Variants in GFRA1 observed in about 807,000 individuals in gnomAD.
GFRA1 encodes the protein GDNF family receptor alpha-1.
GFRA1 carries 16 observed loss-of-function variants against 51.6 expected under a neutral mutation model. The observed-to-expected ratio is 0.31, with a 90% CI of 0.21 to 0.47. The LOEUF is 0.47. Ranked by LOEUF, GFRA1 falls within the 20% of genes least tolerant of loss-of-function variation. GFRA1 has a pLI of 1.00. For synonymous variants in GFRA1, 270 were observed against 241.3 expected, an observed-to-expected ratio of 1.12 and a Z score of -1.10; for missense variants, 530 against 594.3, an observed-to-expected ratio of 0.89 and a Z score of 1.13.
At chr10:116,201,774 T>C (rs1236725906) in intron 5 of GFRA1, among the ~76,000 whole-genome samples, 1 of 152,140 alleles carries the variant, frequency 6.6e-6, no homozygotes, top group Non-Finnish European at 1.5e-5. Flanking sequence ...CCTGGGCAAG[T>C]AAATACTTGC....
At chr10:116,127,232 TTTG>T (rs1307397338) in intron 5 of GFRA1, among the ~76,000 whole-genome samples, 3 of 152,176 alleles carry the variant, frequency 2.0e-5, no homozygotes, top group African/African-American at 4.8e-5. Context: ...CACTTAAAAC[TTTG>T]TTAAGAGGGT....
At chr10:116,198,387 C>G (rs1964064432) in intron 5 of GFRA1, among the ~76,000 whole-genome samples, 1 of 152,198 alleles carries the variant, frequency 6.6e-6, no homozygotes, top group African/African-American at 2.4e-5. Flanking sequence ...TAATCCATCT[C>G]AAATAAAACC....
chr10:116,267,413 C>A (rs1427498475), intron 4 of GFRA1, among the ~76,000 whole-genome samples: 1 of 152,104 alleles, frequency 6.6e-6, no homozygotes, highest in Non-Finnish European at 1.5e-5. Context: ...TAGCATTGCG[C>A]CGAGATCATG....
At chr10:116,064,667 T>C in intron 10 of GFRA1, 123 bp from the exon 11 acceptor site, 1 of 841,564 alleles carries the variant, frequency 1.2e-6, no homozygotes, top group Non-Finnish European at 2.0e-6. Context: ...TGACCAAGAT[T>C]TTACCACTGA....
chr10:116,237,591 A>G (rs1236076855), intron 4 of GFRA1, among the ~76,000 whole-genome samples: 2 of 144,156 alleles, frequency 1.4e-5, no homozygotes, highest in African/African-American at 5.4e-5. Flanking sequence ...AAAAAAAAAA[A>G]AGCAAGAAGA....
chr10:116,236,927 A>G (rs1966911187), intron 4 of GFRA1, among the ~76,000 whole-genome samples: 1 of 152,216 alleles, frequency 6.6e-6, no homozygotes, highest in Non-Finnish European at 1.5e-5. Context: ...CCGCATGCTT[A>G]TTTTTGAGCC....
intron 9 of GFRA1, among the ~76,000 whole-genome samples, chr10:116,067,056 A>G (rs543252495): frequency 2.6e-5 from 4 of 152,320 alleles, no homozygotes; most frequent in African/African-American, 9.6e-5. Context: ...GAAACCTTTA[A>G]ACAAGCATCA....
At chr10:116,072,525 G>A (rs1286468574) in intron 9 of GFRA1, among the ~76,000 whole-genome samples, 1 of 152,168 alleles carries the variant, frequency 6.6e-6, no homozygotes, top group Admixed American at 6.5e-5. Context: ...ACTTTGGAAG[G>A]CCAAGGTGGG....
Position 116,062,224 on chromosome 10 carries a change from G to C in GFRA1, c.*2174C>G, listed in dbSNP as rs1298032399. On this transcript the variant is annotated 3_prime_UTR_variant, in exon 11 of 11. Transcript: ENST00000355422. ...GGATCACATAGAATCAGATCCCTAT[G>C]AAATTAGTCCAGTGTAGATACACAG... 2.5e-6 allele frequency: 1 copy of C among 398,096 alleles called. No homozygotes were observed. The highest frequency in any genetic ancestry group is 2.1e-5 in the African/African-American group (1 of 48,588). 24.7% of individuals were successfully genotyped at this position (398,096 alleles called of 1,614,324 possible). A position where few individuals can be genotyped will look rare whatever the true frequency, so the allele number is the denominator to read the frequency against.
chr10:116,227,256 T>A (rs889689258), intron 4 of GFRA1, among the ~76,000 whole-genome samples: 3 of 152,158 alleles, frequency 2.0e-5, no homozygotes, highest in Admixed American at 1.3e-4. Context: ...CTGTTATCAT[T>A]AAGTAGCTGG....
At chr10:116,087,356 T>A (rs781073606) in intron 9 of GFRA1, among the ~76,000 whole-genome samples, 1 of 152,156 alleles carries the variant, frequency 6.6e-6, no homozygotes, top group Non-Finnish European at 1.5e-5. Context: ...AAACTCCAAT[T>A]TCATGGGGTT....
chr10:116,271,007 C>G lies in GFRA1; in HGVS notation c.149G>C (p.Arg50Thr). Residue 50 changes from arginine to threonine, a missense_variant, in exon 3 of 11, where the codon AGG becomes ACG. Coordinates refer to ENST00000355422, the MANE Select transcript of GFRA1 (RefSeq NM_005264.8). ...QSCSTKYRTL[R>T]QCVAGKETNF... ...GGTCTCCTTGCCCGCCACGCACTGC[C>G]TTAGCGTGCGGTACTTGGTGCTGCA... 1 of 1,614,218 alleles carries G rather than the reference C, an allele frequency of 6.2e-7. No homozygotes were observed. Among genetic ancestry groups the G allele is most frequent in the Admixed American group, 1.7e-5 (1 of 60,032 alleles).
intron 9 of GFRA1, among the ~76,000 whole-genome samples, chr10:116,088,908 G>A (rs566774068): frequency 2.0e-3 from 215 of 107,146 alleles, no homozygotes; most frequent in African/African-American, 6.3e-3. Flanking sequence ...GTGACACAGC[G>A]AGACTCTGTC....
intron 4 of GFRA1, among the ~76,000 whole-genome samples, chr10:116,224,057 G>C (rs1168114105): frequency 1.3e-5 from 2 of 152,110 alleles, no homozygotes; most frequent in African/African-American, 4.8e-5. Flanking sequence ...GAACCTGCTG[G>C]CTCCTCAATC....
intron 5 of GFRA1, among the ~76,000 whole-genome samples, chr10:116,140,155 G>A (rs1958502111): frequency 6.6e-6 from 1 of 152,308 alleles, no homozygotes; most frequent in East Asian, 1.9e-4. Flanking sequence ...AGGTAGAAGT[G>A]TGAAGGTGGA....
chr10:116,235,175 G>A (rs544366120), intron 4 of GFRA1, among the ~76,000 whole-genome samples: 4 of 152,228 alleles, frequency 2.6e-5, no homozygotes, highest in South Asian at 2.1e-4. Flanking sequence ...CTCTCTCAGC[G>A]AGCAACAAAA....
At chr10:116,156,022 G>A (rs985660103) in intron 5 of GFRA1, among the ~76,000 whole-genome samples, 1 of 152,186 alleles carries the variant, frequency 6.6e-6, no homozygotes, top group Non-Finnish European at 1.5e-5. Context: ...CTTGGAGCAG[G>A]TACTGAAGGA....
rs115757358 is a variant in GFRA1 at position 116,219,932 on chromosome 10, C to T, written c.419-8287G>A. On this transcript the variant is annotated intron_variant, in intron 4 of 10. Coordinates refer to ENST00000355422, the MANE Select transcript of GFRA1 (RefSeq NM_005264.8). Reference sequence around the variant, plus strand: ...CAGTGCAGGCAAAGCCATTCACCTTCCCTGGGATTCCGTTCTTCCATTTGC... The same window carrying T: ...CAGTGCAGGCAAAGCCATTCACCTTTCCTGGGATTCCGTTCTTCCATTTGC... 8.8e-3 allele frequency among the ~76,000 whole-genome samples: 1,346 copies of T among 152,248 alleles called. 21 individuals carry two copies. Among genetic ancestry groups the T allele is most frequent in the African/African-American group, 0.031 (1,268 of 41,538 alleles).
chr10:116,125,300 G>GC lies in GFRA1; in HGVS notation c.690dup (p.Pro231AlafsTer6), dbSNP rs1957810448. 2 of 1,614,098 alleles carry GC rather than the reference G, an allele frequency of 1.2e-6. No individual in the cohort carries two copies. Among genetic ancestry groups the GC allele is most frequent in the Non-Finnish European group, 8.5e-7 (1 of 1,180,046 alleles). On this transcript the variant is annotated frameshift_variant, in exon 6 of 11. Coordinates refer to ENST00000355422, the MANE Select transcript of GFRA1 (RefSeq NM_005264.8). LOFTEE classifies it high-confidence loss of function. ...TCCCTCTCTTCATAGGAGCACACAG[G>GC]CACGATGGTCTGTCGCCTCCGCTCT...
Sources: allele counts gnomAD v4.1 joint callset (sites outside exome capture counted in the v4.1 genomes callset), GRCh38; gene constraint gnomAD v4.1.1; transcripts MANE v1.5; gene names NCBI Gene and HGNC (gene_info 2026-07-23, HGNC 2026-07-21).